Variants in NRXN1 observed in about 807,000 individuals in gnomAD.
NRXN1 encodes the protein neurexin 1, also known as neurexin-1.
In NRXN1, 39 loss-of-function variants were observed where a neutral mutation model predicts 150.9. That is an observed-to-expected ratio of 0.26 (90% CI 0.20 to 0.34). NRXN1 has a LOEUF of 0.34. Among genes scored for constraint, NRXN1 ranks in the 10% least tolerant of loss-of-function variants. The probability of loss-of-function intolerance (pLI) is 1.00; values close to 1 mark genes in which losing one functional copy is unlikely to be tolerated. For synonymous variants in NRXN1, 924 were observed against 757.0 expected (o/e 1.22, Z -3.62); for missense variants, 1,815 against 1,949.9 (o/e 0.93, Z 1.30).
intron 2 of NRXN1, among the ~76,000 whole-genome samples, chr2:50,984,484 A>T (rs1697370345): frequency 6.6e-6 from 1 of 152,032 alleles, no homozygotes; most frequent in Admixed American, 6.6e-5. Flanking sequence ...CCTTTGCCTA[A>T]TATATGTGCC....
intron 21 of NRXN1, among the ~76,000 whole-genome samples, chr2:49,951,084 T>C (rs1427210373): frequency 6.6e-6 from 1 of 151,928 alleles, no homozygotes; most frequent in African/African-American, 2.4e-5. Context: ...AGAAATCACA[T>C]CTTACTCAGT....
intron 21 of NRXN1, among the ~76,000 whole-genome samples, chr2:49,999,424 T>G (rs1249528641): frequency 6.6e-6 from 1 of 152,174 alleles, no homozygotes; most frequent in African/African-American, 2.4e-5. Context: ...TATTTAGATA[T>G]AAGTCAAGTA....
intron 5 of NRXN1, among the ~76,000 whole-genome samples, chr2:50,780,072 A>C (rs1473042728): frequency 6.6e-6 from 1 of 152,160 alleles, no homozygotes; most frequent in Non-Finnish European, 1.5e-5. Flanking sequence ...AACTGGCGTG[A>C]GATGGTATCT....
At chr2:50,409,798 T>G (rs1241075733) in intron 17 of NRXN1, among the ~76,000 whole-genome samples, 1 of 152,230 alleles carries the variant, frequency 6.6e-6, no homozygotes, top group Non-Finnish European at 1.5e-5. Context: ...GATTATCTAT[T>G]AGAATTTAGT....
intron 13 of NRXN1, among the ~76,000 whole-genome samples, chr2:50,505,105 T>C (rs947336291): frequency 2.0e-5 from 3 of 152,166 alleles, no homozygotes; most frequent in Non-Finnish European, 4.4e-5. Context: ...TATGTATGTA[T>C]GTATTTGCCT....
At chr2:50,369,129 T>C (rs1342851606) in intron 17 of NRXN1, among the ~76,000 whole-genome samples, 3 of 151,730 alleles carry the variant, frequency 2.0e-5, no homozygotes, top group Non-Finnish European at 4.4e-5. Flanking sequence ...AATAAGAAAA[T>C]AGACTTATGG....
chr2:50,455,397 A>AGCCTCTCAT (rs1299580884), intron 17 of NRXN1, among the ~76,000 whole-genome samples: 1 of 152,196 alleles, frequency 6.6e-6, no homozygotes, highest in Non-Finnish European at 1.5e-5. Flanking sequence ...CTCAGGCAGC[A>AGCCTCTCAT]GCCTCTCATA....
intron 18 of NRXN1, among the ~76,000 whole-genome samples, chr2:50,140,945 A>G (rs1050207080): frequency 5.9e-5 from 9 of 152,050 alleles, no homozygotes; most frequent in African/African-American, 1.7e-4. Context: ...AATTATATTC[A>G]TATGTATATA....
intron 8 of NRXN1, among the ~76,000 whole-genome samples, chr2:50,597,045 G>A (rs1026978340): frequency 4.6e-5 from 7 of 151,902 alleles, no homozygotes; most frequent in African/African-American, 1.5e-4. Context: ...TAGGGATGGG[G>A]TTTCACCAGG....
At chr2:50,363,315 T>C (rs1184259072) in intron 17 of NRXN1, among the ~76,000 whole-genome samples, 1 of 152,018 alleles carries the variant, frequency 6.6e-6, no homozygotes, top group African/African-American at 2.4e-5. Context: ...ACCTAAAGAA[T>C]GGGAGGAAAT....
intron 18 of NRXN1, among the ~76,000 whole-genome samples, chr2:50,230,197 A>G (rs1204163559): frequency 6.6e-6 from 1 of 152,054 alleles, no homozygotes; most frequent in Non-Finnish European, 1.5e-5. Flanking sequence ...ATTTGAAAAA[A>G]CTGTTCAATG....
At chr2:50,097,666 T>A (rs570810093) in intron 18 of NRXN1, among the ~76,000 whole-genome samples, 9 of 150,560 alleles carry the variant, frequency 6.0e-5, no homozygotes, top group Non-Finnish European at 4.4e-5. Flanking sequence ...TGAGATGGAG[T>A]TTCACTCTTA....
rs1277872769 is a variant in NRXN1, at chr2:49,920,235, CAG to C, written c.*1707_*1708del. 1.3e-5 allele frequency: 2 copies of C among 151,992 alleles called. No individual in the cohort carries two copies. The highest frequency in any genetic ancestry group is 2.4e-5 in the African/African-American group (1 of 41,388). The allele number at this position is 151,992 out of a possible 1,614,324, so 9.4% of individuals were successfully genotyped here. On this transcript the variant is annotated 3_prime_UTR_variant, in exon 23 of 23. Coordinates refer to ENST00000401669, the MANE Select transcript of NRXN1 (RefSeq NM_001330078.2). ...AAGTTAAAACATAGTCAATAATTAA[CAG>C]AGAATGATTTTTTAAGTGGGTAGTA...
intron 5 of NRXN1, among the ~76,000 whole-genome samples, chr2:50,665,754 A>G (rs898696957): frequency 6.6e-6 from 1 of 151,986 alleles, no homozygotes; most frequent in Non-Finnish European, 1.5e-5. Context: ...ACTAAAAAAC[A>G]CATGTTTGGA....
intron 17 of NRXN1, among the ~76,000 whole-genome samples, chr2:50,367,773 A>G (rs1353600744): frequency 6.6e-6 from 1 of 152,034 alleles, no homozygotes; most frequent in Non-Finnish European, 1.5e-5. Flanking sequence ...AATGTGCACA[A>G]CTTAGACATG....
At chr2:50,692,876 T>C (rs888187231) in intron 5 of NRXN1, among the ~76,000 whole-genome samples, 9 of 152,186 alleles carry the variant, frequency 5.9e-5, no homozygotes, top group Admixed American at 6.5e-5. Flanking sequence ...TTTGTGACTA[T>C]TGGTCCTGCA....
In NRXN1 at chr2:50,250,947, G is replaced by GCCATATGTAATAAATTTATTACACATT. The variant is rs1272950461; in HGVS notation, c.3365-13978_3365-13977insAATGTGTAATAAATTTATTACATATGG. On this transcript the variant is annotated intron_variant, in intron 17 of 22. Transcript: ENST00000401669. ...CATATGTAATAAATTTATTACATAT[G>GCCATATGTAATAAATTTATTACACATT]GCATATGTAATAAATTTATTACACA... 5.8e-4 allele frequency among the ~76,000 whole-genome samples: 85 copies of GCCATATGTAATAAATTTATTACACATT among 145,664 alleles called. 7 individuals are homozygous for GCCATATGTAATAAATTTATTACACATT. The highest frequency in any genetic ancestry group is 3.0e-4 in the Non-Finnish European group (20 of 66,166).
At chr2:50,595,594 C>A (rs1023524732) in intron 8 of NRXN1, among the ~76,000 whole-genome samples, 2 of 152,012 alleles carry the variant, frequency 1.3e-5, no homozygotes, top group Non-Finnish European at 2.9e-5. Context: ...CAAGTCCTCC[C>A]GGACAGATAG....
chr2:51,000,017 C>A (rs916826856), intron 2 of NRXN1, among the ~76,000 whole-genome samples: 4 of 152,010 alleles, frequency 2.6e-5, no homozygotes, highest in Admixed American at 6.6e-5. Context: ...ATGTTGTGGT[C>A]TGTCAAGTTC....
Sources: allele counts gnomAD v4.1 joint callset (sites outside exome capture counted in the v4.1 genomes callset), GRCh38; gene constraint gnomAD v4.1.1; transcripts MANE v1.5; gene names NCBI Gene and HGNC (gene_info 2026-07-23, HGNC 2026-07-21).